Variants in GALNT17 observed in about 807,000 individuals in gnomAD.
GALNT17 encodes the protein polypeptide N-acetylgalactosaminyltransferase 17.
GALNT17 carries 29 observed loss-of-function variants against 63.7 expected under a neutral mutation model. That is an observed-to-expected ratio of 0.46 (90% CI 0.34 to 0.62). The LOEUF (loss-of-function observed/expected upper bound fraction) is 0.62, where lower values mean the gene tolerates loss of function less well. Among genes scored for constraint, GALNT17 ranks in the 20% least tolerant of loss-of-function variants. The probability of loss-of-function intolerance (pLI) is 0.01; values close to 1 mark genes in which losing one functional copy is unlikely to be tolerated. For synonymous variants in GALNT17, 305 were observed against 318.3 expected (o/e 0.96, Z 0.45); for missense variants, 603 against 799.6 (o/e 0.75, Z 2.97).
At chr7:71,585,942 G>C (rs1328319144) in intron 6 of GALNT17, among the ~76,000 whole-genome samples, 3 of 120,248 alleles carry the variant, frequency 2.5e-5, no homozygotes, top group Admixed American at 1.1e-4. Flanking sequence ...AAGGAGTCTT[G>C]CTCTGTCACC....
At chr7:71,668,309 G>A (rs1391531721) in intron 7 of GALNT17, among the ~76,000 whole-genome samples, 1 of 151,910 alleles carries the variant, frequency 6.6e-6, no homozygotes, top group Non-Finnish European at 1.5e-5. Context: ...CTGAGGTTGG[G>A]AGTTCGAGAC....
At chr7:71,324,754 TGC>T (rs759593999) in intron 1 of GALNT17, among the ~76,000 whole-genome samples, 11 of 89,124 alleles carry the variant, frequency 1.2e-4, no homozygotes, top group Admixed American at 2.3e-4. Context: ...AATATATGCG[TGC>T]GTGTATATAT....
intron 6 of GALNT17, among the ~76,000 whole-genome samples, chr7:71,663,778 A>G (rs1021196075): frequency 6.6e-6 from 1 of 152,232 alleles, no homozygotes; most frequent in African/African-American, 2.4e-5. Flanking sequence ...GGGGGTATGT[A>G]GACACTCAAG....
intron 1 of GALNT17, among the ~76,000 whole-genome samples, chr7:71,163,475 G>GA (rs1788384347): frequency 6.6e-6 from 1 of 152,188 alleles, no homozygotes; most frequent in Non-Finnish European, 1.5e-5. Flanking sequence ...AGCAGATTCA[G>GA]AAAATGAAAC....
intron 5 of GALNT17, among the ~76,000 whole-genome samples, chr7:71,499,716 G>A (rs762929416): frequency 4.6e-5 from 7 of 152,176 alleles, no homozygotes; most frequent in Non-Finnish European, 8.8e-5. Context: ...CTGCTCCTCC[G>A]GAGCCATTTC....
At chr7:71,149,393 C>A (rs937403456) in intron 1 of GALNT17, among the ~76,000 whole-genome samples, 2 of 152,098 alleles carry the variant, frequency 1.3e-5, no homozygotes, top group Admixed American at 6.6e-5. Flanking sequence ...TCTGAGTCTC[C>A]TTTGCGAAGT....
chr7:71,292,365 A>G (rs970423809), intron 1 of GALNT17, among the ~76,000 whole-genome samples: 3 of 152,192 alleles, frequency 2.0e-5, no homozygotes, highest in African/African-American at 7.2e-5. Flanking sequence ...AAGCATGTCA[A>G]GTCTGTATAG....
chr7:71,554,954 G>A (rs910523492), intron 5 of GALNT17, among the ~76,000 whole-genome samples: 1 of 152,200 alleles, frequency 6.6e-6, no homozygotes, highest in Non-Finnish European at 1.5e-5. Flanking sequence ...GGTTCTGCAG[G>A]TTGTACAAGA....
chr7:71,710,896 A>T lies in GALNT17; in HGVS notation c.1636A>T (p.Ser546Cys). 6.2e-7 allele frequency: 1 copy of T among 1,613,958 alleles called. No individual in the cohort carries two copies. Among genetic ancestry groups the T allele is most frequent in the Non-Finnish European group, 8.5e-7 (1 of 1,180,020 alleles). ...PQLLDCDKVK[S>C]SLYKRWNFIQ... Reference sequence around the variant, plus strand: ...GCTCCTGGACTGCGACAAGGTCAAGAGCAGCCTGTACAAGCGCTGGAACTT... The same window carrying T: ...GCTCCTGGACTGCGACAAGGTCAAGTGCAGCCTGTACAAGCGCTGGAACTT... Residue 546 changes from serine to cysteine, a missense_variant, in exon 10 of 11, where the codon AGC (serine) becomes TGC (cysteine). By Grantham distance (112) the Ser-to-Cys change is moderately radical. Transcript: ENST00000333538.
rs1792988236 is a variant in GALNT17 at position 71,388,365 on chromosome 7, A to C, written c.553A>C (p.Lys185Gln). 1.9e-6 allele frequency: 3 copies of C among 1,613,924 alleles called. No homozygotes were observed. In the East Asian group the frequency reaches 6.7e-5, roughly 36 times the overall value. Residue 185 changes from lysine to glutamine, a missense_variant, in exon 3 of 11, where the codon AAG (lysine) becomes CAG (glutamine). Transcript: ENST00000333538. ...CAATCACACGCCCACACACCTGCTG[A>C]AGGAAATCATTCTGGTGGATGACAA... ...AVNHTPTHLLKEIILVDDNSD... is the reference protein window; with the variant it reads ...AVNHTPTHLLQEIILVDDNSD...
chr7:71,703,837 A>G (rs1326013105), intron 9 of GALNT17, among the ~76,000 whole-genome samples: 1 of 152,210 alleles, frequency 6.6e-6, no homozygotes, highest in Non-Finnish European at 1.5e-5. Context: ...GAAGGAAATG[A>G]GAGTGAAGGA....
Position 71,279,140 on chromosome 7 carries a change from G to T in GALNT17, c.239-56410G>T, listed in dbSNP as rs1790735759. Among the ~76,000 whole-genome samples the T allele has an allele frequency of 3.3e-5, 5 of 151,806 alleles. 1 individual carries two copies. The South Asian group carries it at 8.3e-4, about 25-fold the overall frequency. On this transcript the variant is annotated intron_variant, in intron 1 of 10. Transcript: ENST00000333538. ...GGGTTTCACCATGTTGGCCAGGATG[G>T]TCTCGATCTCCTTACCTCGTGATCT...
chr7:71,687,778 A>G (rs1791384040), intron 9 of GALNT17, among the ~76,000 whole-genome samples: 1 of 152,174 alleles, frequency 6.6e-6, no homozygotes, highest in African/African-American at 2.4e-5. Context: ...TTGCTCTGTC[A>G]CCCAGGCTGG....
intron 1 of GALNT17, among the ~76,000 whole-genome samples, chr7:71,181,862 A>G (rs559908513): frequency 6.7e-6 from 1 of 149,514 alleles, no homozygotes; most frequent in African/African-American, 2.5e-5. Context: ...GGGTGACAGA[A>G]TGAGACCCTG....
chr7:71,702,159 G>C (rs1003939776), intron 9 of GALNT17, among the ~76,000 whole-genome samples: 3 of 151,922 alleles, frequency 2.0e-5, no homozygotes, highest in African/African-American at 4.8e-5. Context: ...GGTAAGGGTT[G>C]AAAAGTGCCT....
At chr7:71,392,529 A>G (rs1462346570) in intron 3 of GALNT17, among the ~76,000 whole-genome samples, 2 of 152,122 alleles carry the variant, frequency 1.3e-5, no homozygotes, top group African/African-American at 2.4e-5. Flanking sequence ...ATAAGCTCCT[A>G]TTTGATGCTT....
At chr7:71,364,221 T>C (rs530718167) in intron 2 of GALNT17, among the ~76,000 whole-genome samples, 156 of 152,336 alleles carry the variant, frequency 1.0e-3, no homozygotes, top group African/African-American at 3.6e-3. Context: ...AAACTTAATT[T>C]AACAGTAGTT....
chr7:71,527,202 CA>C (rs1376951177), intron 5 of GALNT17, among the ~76,000 whole-genome samples: 1 of 151,956 alleles, frequency 6.6e-6, no homozygotes, highest in Non-Finnish European at 1.5e-5. Flanking sequence ...AAACATCACC[CA>C]TAAAATAATA....
At chr7:71,364,798 G>A (rs533495745) in intron 2 of GALNT17, among the ~76,000 whole-genome samples, 1 of 152,264 alleles carries the variant, frequency 6.6e-6, no homozygotes, top group Non-Finnish European at 1.5e-5. Context: ...AAAGATGTAG[G>A]AATGTAAGAT....
Sources: allele counts gnomAD v4.1 joint callset (sites outside exome capture counted in the v4.1 genomes callset), GRCh38; gene constraint gnomAD v4.1.1; transcripts MANE v1.5; gene names NCBI Gene and HGNC (gene_info 2026-07-23, HGNC 2026-07-21).